The following MED24 variants were observed in gnomAD, a reference collection of about 807,000 sequenced individuals.
The protein encoded by MED24 is mediator of RNA polymerase II transcription subunit 24.
In MED24, 74 loss-of-function variants were observed where a neutral mutation model predicts 118.8. The observed-to-expected ratio is 0.62, with a 90% CI of 0.52 to 0.76. MED24 has a LOEUF of 0.76. Ranked by LOEUF, MED24 falls within the 30% of genes least tolerant of loss-of-function variation. The probability of loss-of-function intolerance (pLI) is 0.00; values close to 1 mark genes in which losing one functional copy is unlikely to be tolerated. For synonymous variants in MED24, 521 were observed against 523.9 expected, an observed-to-expected ratio of 0.99 and a Z score of 0.08; for missense variants, 1,041 against 1,278.9, an observed-to-expected ratio of 0.81 and a Z score of 2.84.
intron 3 of MED24, among the ~76,000 whole-genome samples, chr17:40,043,559 T>G (rs1984780993): frequency 6.6e-6 from 1 of 152,132 alleles, no homozygotes; most frequent in Admixed American, 6.6e-5. Context: ...TTTCCCTTAC[T>G]GGACTTTTGT....
intron 3 of MED24, among the ~76,000 whole-genome samples, chr17:40,039,993 CA>C (rs1376357746): frequency 6.6e-6 from 1 of 150,852 alleles, no homozygotes; most frequent in Admixed American, 6.6e-5. Context: ...CCATGTTAGC[CA>C]GGATGGTCAC....
At chr17:40,035,566 T>C (rs1220398550) in intron 5 of MED24, among the ~76,000 whole-genome samples, 156 bp downstream of exon 5, 2 of 151,314 alleles carry the variant, frequency 1.3e-5, no homozygotes, top group Non-Finnish European at 2.9e-5. Flanking sequence ...CCTAAGGGAG[T>C]AAGAAAAGGA....
chr17:40,046,467 C>T (rs1185062303), intron 3 of MED24, among the ~76,000 whole-genome samples: 5 of 150,086 alleles, frequency 3.3e-5, no homozygotes, highest in East Asian at 3.9e-4. Context: ...AAGAAAAGGC[C>T]GGGCGCGGTG....
intron 4 of MED24, 42 bp downstream of exon 4, chr17:40,036,074 T>C: frequency 6.3e-7 from 1 of 1,587,816 alleles, no homozygotes; most frequent in East Asian, 2.2e-5. Context: ...CGGGGCCTTG[T>C]CTGTCATCCC....
chr17:40,031,382 C>T, intron 11 of MED24, 137 bp from the exon 12 acceptor site: 1 of 1,198,646 alleles, frequency 8.3e-7, no homozygotes, highest in Non-Finnish European at 1.2e-6. Flanking sequence ...GGTAGAGGGG[C>T]TCTGGGGACT....
In MED24 at chr17:40,023,050, G is replaced by A. The variant is rs539649498; in HGVS notation, c.2250+81C>T. On this transcript the variant is annotated intron_variant, in intron 20 of 25. Coordinates refer to ENST00000394128, the MANE Select transcript of MED24 (RefSeq NM_014815.4). ...CACCTGGCTCACGGCAGCCTCTCAG[G>A]GAAGCCTGGCAGACCAGGCCAGGTG... is the stretch of plus-strand genomic sequence containing the variant. 1.8e-4 allele frequency: 282 copies of A among 1,529,388 alleles called. 1 individual carries two copies. Among genetic ancestry groups the A allele is most frequent in the East Asian group, 3.4e-4 (15 of 44,078 alleles). 94.7% of individuals were successfully genotyped at this position (1,529,388 alleles called of 1,614,324 possible).
chr17:40,049,307 C>T (rs1320917221), intron 3 of MED24, among the ~76,000 whole-genome samples: 4 of 152,142 alleles, frequency 2.6e-5, no homozygotes, highest in African/African-American at 7.2e-5. Context: ...TGCCTCCCAC[C>T]GTGTACATAT....
intron 3 of MED24, among the ~76,000 whole-genome samples, chr17:40,050,820 G>A (rs1030102720): frequency 5.9e-5 from 9 of 152,230 alleles, no homozygotes; most frequent in East Asian, 3.9e-4. Context: ...ATTTCACCAC[G>A]ATGCAATGTA....
chr17:40,038,580 G>A (rs928370381), intron 3 of MED24, among the ~76,000 whole-genome samples: 11 of 151,942 alleles, frequency 7.2e-5, no homozygotes, highest in East Asian at 3.9e-4. Flanking sequence ...GCGTGGTGGC[G>A]CATGCCTGTA....
At chr17:40,042,060 TAAAGACAA>T (rs1355931386) in intron 3 of MED24, among the ~76,000 whole-genome samples, 2 of 152,168 alleles carry the variant, frequency 1.3e-5, no homozygotes, top group African/African-American at 4.8e-5. Flanking sequence ...CTGGGTCCTT[TAAAGACAA>T]AATATGCCAG....
At chr17:40,021,639 G>A (rs1390866396) in intron 23 of MED24, among the ~76,000 whole-genome samples, 1 of 152,240 alleles carries the variant, frequency 6.6e-6, no homozygotes, top group African/African-American at 2.4e-5. Flanking sequence ...GCCTGAGGCA[G>A]TGAACTCACT....
intron 3 of MED24, among the ~76,000 whole-genome samples, chr17:40,046,733 G>A (rs1343167019): frequency 1.4e-5 from 2 of 147,668 alleles, no homozygotes; most frequent in East Asian, 2.0e-4. Context: ...GCGACAGAGC[G>A]AGACTCCGTC....
Position 40,022,425 on chromosome 17 carries a change from CG to C in MED24, c.2491del (p.Arg831AlafsTer27), listed in dbSNP as rs751531174. The C allele has an allele frequency of 1.1e-5, 18 of 1,610,408 alleles. No individual in the cohort carries two copies. The highest frequency in any genetic ancestry group is 1.5e-5 in the Non-Finnish European group (18 of 1,178,646). ...YSSHKGQAST[R>X]QKKRHREDIE... ...GTCTTCGCGGTGTCTCTTCTTCTGG[CG>C]GGTGGACGCCTGTCCCTTGTGGGAG... is the stretch of plus-strand genomic sequence containing the variant. On this transcript the variant is annotated frameshift_variant, in exon 22 of 26. Coordinates refer to ENST00000394128, the MANE Select transcript of MED24 (RefSeq NM_014815.4). LOFTEE classifies it high-confidence loss of function.
In MED24 at chr17:40,031,251, A is replaced by G. The variant is rs756435712; in HGVS notation, c.1068-6T>C. Reference sequence around the variant, plus strand: ...GGAAGTTTGTACAGTCACAGCTGTGAGGGAGAAAGATGCTGAGGGAACTGG... The same window carrying G: ...GGAAGTTTGTACAGTCACAGCTGTGGGGGAGAAAGATGCTGAGGGAACTGG... On this transcript the variant is annotated splice_region_variant and splice_polypyrimidine_tract_variant and intron_variant, in intron 11 of 25. Transcript: ENST00000394128. 11 of 1,560,954 alleles carry G rather than the reference A, an allele frequency of 7.0e-6. No individual in the cohort carries two copies. The African/African-American group carries it at 1.2e-4, about 17-fold the overall frequency.
chr17:40,023,668 A>C, intron 19 of MED24: 1 of 388,802 alleles, frequency 2.6e-6, no homozygotes, highest in Non-Finnish European at 4.6e-6. Context: ...AGATATTCAC[A>C]TTTTCTTTTA....
chr17:40,027,782 G>A lies in MED24; in HGVS notation c.1447+127C>T, dbSNP rs1174721085. 1.0e-5 allele frequency: 11 copies of A among 1,059,980 alleles called. No individual in the cohort carries two copies. The South Asian group carries it at 1.3e-4, about 12-fold the overall frequency. The allele number at this position is 1,059,980 out of a possible 1,614,324, so 65.7% of individuals were successfully genotyped here. ...TCAAGCTCTGTGGAAGCTTCCATTG[G>A]TCATGGCTCTGAGGAGGGAGCACAG... On this transcript the variant is annotated intron_variant, in intron 15 of 25. Coordinates refer to ENST00000394128, the MANE Select transcript of MED24 (RefSeq NM_014815.4).
At position 40,023,309 on chromosome 17, in the gene MED24, C is replaced by A; in HGVS notation, c.2072G>T (p.Gly691Val). ...TATQIKFPST[G>V]VDTMPYWNLL... ...GTTCCAGTAGGGCATTGTGTCCACC[C>A]CGGTGGAGGGAAACTTGATCTGCGT... Residue 691 changes from glycine to valine, a missense_variant, in exon 20 of 26, where the codon GGG becomes GTG. Gly to Val is a moderately radical substitution (Grantham distance 109). Transcript: ENST00000394128. The A allele has an allele frequency of 1.9e-6, 3 of 1,614,026 alleles. No individual in the cohort carries two copies. Among genetic ancestry groups the A allele is most frequent in the Non-Finnish European group, 2.5e-6 (3 of 1,179,964 alleles).
intron 14 of MED24, among the ~76,000 whole-genome samples, chr17:40,028,575 A>G (rs1166383387): frequency 3.3e-5 from 5 of 152,334 alleles, no homozygotes; most frequent in Middle Eastern, 6.8e-3. Flanking sequence ...TCCATGCCCA[A>G]TGTTCAACAC....
At chr17:40,046,435 T>C (rs1985212268) in intron 3 of MED24, among the ~76,000 whole-genome samples, 3 of 150,210 alleles carry the variant, frequency 2.0e-5, no homozygotes, top group Non-Finnish European at 2.9e-5. Context: ...TGAGAAATAC[T>C]ATTCAGCAGT....
Sources: gnomAD v4.1 joint callset for allele counts (sites outside exome capture counted in the v4.1 genomes callset) on GRCh38, gnomAD v4.1.1 for gene constraint, MANE v1.5 for transcripts, NCBI Gene and HGNC (gene_info 2026-07-23, HGNC 2026-07-21) for gene names.